Variants in POLR3B observed in about 807,000 individuals in gnomAD.
POLR3B encodes the protein RNA polymerase III subunit B.
In POLR3B, 96 loss-of-function variants were observed where a neutral mutation model predicts 147.4. The ratio of observed to expected loss-of-function variants is 0.65; its 90% CI spans 0.55 to 0.77. The LOEUF is 0.77. Among genes scored for constraint, POLR3B ranks in the 30% least tolerant of loss-of-function variants. The probability of loss-of-function intolerance (pLI) is 0.00; values close to 1 mark genes in which losing one functional copy is unlikely to be tolerated. For synonymous variants in POLR3B, 461 were observed against 485.9 expected, an observed-to-expected ratio of 0.95 and a Z score of 0.67; for missense variants, 1,036 against 1,413.5, an observed-to-expected ratio of 0.73 and a Z score of 4.28.
chr12:106,401,257 T>G (rs1300672553), intron 10 of POLR3B, among the ~76,000 whole-genome samples: 1 of 152,164 alleles, frequency 6.6e-6, no homozygotes, highest in Non-Finnish European at 1.5e-5. Context: ...ACATACATCC[T>G]CCCAAGACTA....
intron 11 of POLR3B, among the ~76,000 whole-genome samples, chr12:106,409,912 A>G (rs1565887838): frequency 6.6e-6 from 1 of 152,134 alleles, no homozygotes; most frequent in South Asian, 2.1e-4. Context: ...TGTCTCTCCA[A>G]ACAAACCAGT....
At position 106,409,496 on chromosome 12, in the gene POLR3B, C is replaced by T. The variant is rs1215954246; in HGVS notation, c.967-1330C>T. Among the ~76,000 whole-genome samples, 3 of 151,498 alleles carry T rather than the reference C, an allele frequency of 2.0e-5. No individual in the cohort carries two copies. The East Asian group carries it at 5.8e-4, about 29-fold the overall frequency. ...TCTTTTACCACATTCAAACACATTTCTTTTAACACATTCCAGAGTTCTCAG... is the reference window on the plus strand; with the variant it reads ...TCTTTTACCACATTCAAACACATTTTTTTTAACACATTCCAGAGTTCTCAG... On this transcript the variant is annotated intron_variant, in intron 11 of 27. Transcript: ENST00000228347.
chr12:106,422,126 A>G (rs769174453), intron 12 of POLR3B, among the ~76,000 whole-genome samples: 5 of 152,204 alleles, frequency 3.3e-5, no homozygotes, highest in Non-Finnish European at 7.3e-5. Flanking sequence ...TCATGTTGAC[A>G]TGTAATCCCC....
chr12:106,482,621 A>G (rs2038284312), intron 23 of POLR3B, among the ~76,000 whole-genome samples: 1 of 152,154 alleles, frequency 6.6e-6, no homozygotes, highest in African/African-American at 2.4e-5. Flanking sequence ...TCCTCCCACC[A>G]GGTTCTTCCT....
chr12:106,481,735 C>T (rs2038270810), intron 23 of POLR3B, among the ~76,000 whole-genome samples: 1 of 152,180 alleles, frequency 6.6e-6, no homozygotes, highest in Non-Finnish European at 1.5e-5. Context: ...TGTTGATAAA[C>T]ACATGTGTTT....
At chr12:106,422,161 G>T (rs1424538983) in intron 12 of POLR3B, among the ~76,000 whole-genome samples, 2 of 152,214 alleles carry the variant, frequency 1.3e-5, no homozygotes, top group Non-Finnish European at 2.9e-5. Flanking sequence ...GGCCTGGTGG[G>T]AGGTGATTGG....
At chr12:106,490,543 C>T (rs546994051) in intron 23 of POLR3B, among the ~76,000 whole-genome samples, 5 of 152,098 alleles carry the variant, frequency 3.3e-5, no homozygotes, top group Non-Finnish European at 7.4e-5. Context: ...TTATGTCAAC[C>T]GGTATATGGC....
At position 106,405,897 on chromosome 12, in the gene POLR3B, T is replaced by G; in HGVS notation, c.887T>G (p.Met296Arg). The G allele has an allele frequency of 6.2e-7, 1 of 1,613,058 alleles. No homozygotes were observed. The highest frequency in any genetic ancestry group is 8.5e-7 in the Non-Finnish European group (1 of 1,179,068). Residue 296 changes from methionine to arginine, a missense_variant, in exon 11 of 28, where the codon ATG (methionine) becomes AGG (arginine). Met to Arg is a moderately conservative substitution (Grantham distance 91, BLOSUM62 -1). This residue lies in a region of POLR3B where 217 missense variants were observed against 288.7 expected (regional missense o/e 0.75). Coordinates refer to ENST00000228347, the MANE Select transcript of POLR3B (RefSeq NM_018082.6). Reference protein sequence around the residue: ...YIGNKVRRQRMWGGGPKKTKI... With the variant: ...YIGNKVRRQRRWGGGPKKTKI... ...GGGAACAAAGTAAGAAGGCAAAGGATGTGGGGAGGTGGACCAAAGAAAACC... is the reference window on the plus strand; with the variant it reads ...GGGAACAAAGTAAGAAGGCAAAGGAGGTGGGGAGGTGGACCAAAGAAAACC...
At chr12:106,481,668 C>G (rs910067774) in intron 23 of POLR3B, among the ~76,000 whole-genome samples, 16 of 152,300 alleles carry the variant, frequency 1.1e-4, no homozygotes, top group East Asian at 9.7e-4. Context: ...ATTCTTTCTC[C>G]TTACACGTAG....
chr12:106,383,136 T>C (rs2036787484), intron 9 of POLR3B, among the ~76,000 whole-genome samples: 1 of 152,218 alleles, frequency 6.6e-6, no homozygotes, highest in Non-Finnish European at 1.5e-5. Context: ...TGCCTCTTCC[T>C]CACCTCTCTC....
At chr12:106,391,496 G>C (rs1278438734) in intron 9 of POLR3B, among the ~76,000 whole-genome samples, 1 of 152,130 alleles carries the variant, frequency 6.6e-6, no homozygotes, top group Non-Finnish European at 1.5e-5. Flanking sequence ...AGGGACATGG[G>C]ATCTATTCAG....
At chr12:106,489,799 A>G (rs1331446890) in intron 23 of POLR3B, among the ~76,000 whole-genome samples, 1 of 152,212 alleles carries the variant, frequency 6.6e-6, no homozygotes, top group African/African-American at 2.4e-5. Flanking sequence ...GAGACTGTCT[A>G]AAATCCTCTC....
chr12:106,426,019 T>C (rs1422549446), intron 12 of POLR3B, among the ~76,000 whole-genome samples: 1 of 152,174 alleles, frequency 6.6e-6, no homozygotes, highest in East Asian at 1.9e-4. Context: ...CAGTGTTTCA[T>C]TATACGAGTC....
At chr12:106,406,039 T>A in intron 11 of POLR3B, 63 bp downstream of exon 11, 3 of 1,567,998 alleles carry the variant, frequency 1.9e-6, no homozygotes, top group Non-Finnish European at 1.8e-6. Flanking sequence ...GTTAGAGAAC[T>A]GTGATAAGAG....
intron 26 of POLR3B, among the ~76,000 whole-genome samples, chr12:106,502,421 A>G (rs992204761): frequency 1.3e-5 from 2 of 152,170 alleles, no homozygotes; most frequent in African/African-American, 2.4e-5. Context: ...CATTTCTCAT[A>G]TTTAAAGTGG....
chr12:106,399,518 A>G (rs1015156762), intron 10 of POLR3B, among the ~76,000 whole-genome samples: 4 of 152,236 alleles, frequency 2.6e-5, no homozygotes, highest in Non-Finnish European at 4.4e-5. Flanking sequence ...TCCAAGACGC[A>G]TAATTGTCAG....
intron 12 of POLR3B, among the ~76,000 whole-genome samples, chr12:106,415,652 G>T (rs552179893): frequency 6.6e-6 from 1 of 151,996 alleles, no homozygotes; most frequent in South Asian, 2.1e-4. Flanking sequence ...TATTCTGATG[G>T]TTATTCATTT....
intron 15 of POLR3B, among the ~76,000 whole-genome samples, chr12:106,433,359 A>T (rs2037534223): frequency 6.6e-6 from 1 of 152,232 alleles, no homozygotes; most frequent in South Asian, 2.1e-4. Context: ...GCTAGGCAGA[A>T]TTCTCAGTAC....
At chr12:106,503,366 T>C (rs1175048944) in intron 26 of POLR3B, among the ~76,000 whole-genome samples, 1 of 152,192 alleles carries the variant, frequency 6.6e-6, no homozygotes, top group East Asian at 1.9e-4. Context: ...TGCTATGGAA[T>C]ACAGCAAACA....
Sources: gnomAD v4.1 joint callset for allele counts (sites outside exome capture counted in the v4.1 genomes callset) on GRCh38, gnomAD v4.1.1 for gene constraint, gnomAD v4.1.1 regional missense constraint, MANE v1.5 for transcripts, NCBI Gene and HGNC (gene_info 2026-07-23, HGNC 2026-07-21) for gene names.